The following NR3C1 variants were observed in gnomAD, a reference collection of about 807,000 sequenced individuals.
NR3C1 encodes the protein glucocorticoid receptor.
In NR3C1, 14 loss-of-function variants were observed where a neutral mutation model predicts 74.0. The observed-to-expected ratio is 0.19, with a 90% CI of 0.12 to 0.30. The LOEUF is 0.30. Among genes scored for constraint, NR3C1 ranks in the 10% least tolerant of loss-of-function variants. The pLI is 1.00. For synonymous variants in NR3C1, 308 were observed against 332.5 expected, an observed-to-expected ratio of 0.93 and a Z score of 0.80; for missense variants, 695 against 909.8, an observed-to-expected ratio of 0.76 and a Z score of 3.04.
At chr5:143,410,340 T>A (rs1841249921) in intron 1 of NR3C1, among the ~76,000 whole-genome samples, 1 of 152,208 alleles carries the variant, frequency 6.6e-6, no homozygotes, top group African/African-American at 2.4e-5. Flanking sequence ...GTTTTGTTTT[T>A]AAGCTAACTT....
At chr5:143,313,406 T>G (rs1821387192) in intron 3 of NR3C1, among the ~76,000 whole-genome samples, 1 of 152,170 alleles carries the variant, frequency 6.6e-6, no homozygotes, top group Non-Finnish European at 1.5e-5. Flanking sequence ...CGAGTTTCTC[T>G]CTCCCTCATC....
Position 143,347,167 on chromosome 5 carries a change from C to G in NR3C1, c.1185-32999G>C, listed in dbSNP as rs1829441063. Among the ~76,000 whole-genome samples the G allele has an allele frequency of 2.0e-5, 3 of 152,272 alleles. No homozygotes were observed. The South Asian group carries it at 6.2e-4, about 32-fold the overall frequency. On this transcript the variant is annotated intron_variant, in intron 2 of 8. Coordinates refer to ENST00000394464, the MANE Select transcript of NR3C1 (RefSeq NM_000176.3). The stretch of plus-strand genomic sequence containing the variant: ...ATTCAGAATTCTTTTGCAATTATTG[C>G]AGTTTATTCAAATTGTCTTACCAAA...
At chr5:143,387,537 T>C (rs1837465453) in intron 2 of NR3C1, among the ~76,000 whole-genome samples, 1 of 152,230 alleles carries the variant, frequency 6.6e-6, no homozygotes, top group Non-Finnish European at 1.5e-5. Context: ...TTGTGGCTGC[T>C]CTCTTTGGTT....
At position 143,397,885 on chromosome 5, in the gene NR3C1, T is replaced by G. The variant is rs61751165; in HGVS notation, c.1184+1771A>C. On this transcript the variant is annotated intron_variant, in intron 2 of 8. Coordinates refer to ENST00000394464, the MANE Select transcript of NR3C1 (RefSeq NM_000176.3). Reference sequence around the variant, plus strand: ...ACTCTATATCCCAGATTTTATAGGGTTTAAAAGTTCATAGCAAATGGAAAA... The same window carrying G: ...ACTCTATATCCCAGATTTTATAGGGGTTAAAAGTTCATAGCAAATGGAAAA... 4.4e-3 allele frequency among the ~76,000 whole-genome samples: 665 copies of G among 151,972 alleles called. 2 individuals carry two copies. The highest frequency in any genetic ancestry group is 0.015 in the African/African-American group (634 of 41,528).
At chr5:143,432,269 G>T (rs1335182121) in intron 1 of NR3C1, among the ~76,000 whole-genome samples, 1 of 152,218 alleles carries the variant, frequency 6.6e-6, no homozygotes, top group East Asian at 1.9e-4. Flanking sequence ...TATGTAATGC[G>T]CTAGGTTAAA....
At chr5:143,431,397 G>GA (rs994991888) in intron 1 of NR3C1, among the ~76,000 whole-genome samples, 1 of 151,856 alleles carries the variant, frequency 6.6e-6, no homozygotes, top group African/African-American at 2.4e-5. Flanking sequence ...ATTCCAATAA[G>GA]AAAAATTGGT....
intron 2 of NR3C1, among the ~76,000 whole-genome samples, chr5:143,395,595 CTTAT>C (rs1280610620): frequency 2.0e-5 from 3 of 151,910 alleles, no homozygotes; most frequent in Non-Finnish European, 1.5e-5. Context: ...ACCTATTTTG[CTTAT>C]TTAATTTGCC....
At position 143,431,315 on chromosome 5, in the gene NR3C1, G is replaced by C. The variant is rs575234159; in HGVS notation, c.-14+3217C>G. ...TGCAAACCTATGTCTGAGAAAGTAGGGTGTTCCCAGATGGAGAACAGATTA... is the reference window on the plus strand; with the variant it reads ...TGCAAACCTATGTCTGAGAAAGTAGCGTGTTCCCAGATGGAGAACAGATTA... On this transcript the variant is annotated intron_variant, in intron 1 of 8. Transcript: ENST00000343796. Among the ~76,000 whole-genome samples, 3 of 152,266 alleles carry C rather than the reference G, an allele frequency of 2.0e-5. No individual in the cohort carries two copies. In the South Asian group the frequency reaches 6.2e-4, roughly 32 times the overall value.
chr5:143,401,321 A>G, intron 1 of NR3C1: 1 of 182,522 alleles, frequency 5.5e-6, no homozygotes, highest in Non-Finnish European at 1.2e-5. Context: ...GATAAATACT[A>G]TGCTAGAATT....
chr5:143,357,105 C>G (rs991539510), intron 2 of NR3C1, among the ~76,000 whole-genome samples: 9 of 152,098 alleles, frequency 5.9e-5, no homozygotes, highest in African/African-American at 1.7e-4. Flanking sequence ...TATTTTAAAT[C>G]CAAAGGGCTA....
intron 2 of NR3C1, among the ~76,000 whole-genome samples, chr5:143,337,171 A>G (rs896143861): frequency 2.0e-5 from 3 of 152,212 alleles, no homozygotes; most frequent in African/African-American, 7.2e-5. Flanking sequence ...GATTTCAACT[A>G]AAAGGACAGA....
intron 1 of NR3C1, among the ~76,000 whole-genome samples, chr5:143,427,779 G>A (rs1751610221): frequency 6.6e-6 from 1 of 152,288 alleles, no homozygotes; most frequent in Non-Finnish European, 1.5e-5. Flanking sequence ...TTTACACTGT[G>A]TGGGTTCAAA....
At chr5:143,381,896 C>T (rs1010785232) in intron 2 of NR3C1, among the ~76,000 whole-genome samples, 3 of 152,176 alleles carry the variant, frequency 2.0e-5, no homozygotes, top group African/African-American at 7.2e-5. Context: ...ACCTCAAATG[C>T]ACAGGCAACC....
rs540571193 is a variant in NR3C1 at position 143,387,081 on chromosome 5, T to C, written c.1184+12575A>G. 4.8e-4 allele frequency among the ~76,000 whole-genome samples: 73 copies of C among 152,348 alleles called. 1 individual carries two copies. Among genetic ancestry groups the C allele is most frequent in the Non-Finnish European group, 8.4e-4 (57 of 68,026 alleles). On this transcript the variant is annotated intron_variant, in intron 2 of 8. Transcript: ENST00000394464. ...AACTAGAGAAACAATTAGGAGACTA[T>C]TGATAAGAGTAATAAGAGTTTGAAC...
chr5:143,430,727 T>G (rs1036385353), intron 1 of NR3C1, among the ~76,000 whole-genome samples: 1 of 152,180 alleles, frequency 6.6e-6, no homozygotes, highest in Admixed American at 6.6e-5. Flanking sequence ...ATCTTGGACT[T>G]CACAGCCTCC....
intron 7 of NR3C1, among the ~76,000 whole-genome samples, chr5:143,285,724 A>C (rs1814267211): frequency 6.6e-6 from 1 of 152,178 alleles, no homozygotes. Flanking sequence ...TACTGAAAAC[A>C]CAGCATATCA....
intron 7 of NR3C1, among the ~76,000 whole-genome samples, chr5:143,286,010 T>C (rs139423284): frequency 1.0e-3 from 148 of 143,610 alleles, no homozygotes; most frequent in South Asian, 2.0e-3. Context: ...TAAATACCAA[T>C]GTCGGGAATG....
chr5:143,355,215 C>T (rs1830922597), intron 2 of NR3C1, among the ~76,000 whole-genome samples: 1 of 152,140 alleles, frequency 6.6e-6, no homozygotes, highest in East Asian at 1.9e-4. Flanking sequence ...ATAATGGCCA[C>T]AGCTATTATG....
intron 1 of NR3C1, among the ~76,000 whole-genome samples, chr5:143,426,877 G>C (rs4457111): frequency 0.98 from 148,490 of 152,290 alleles, 72,508 homozygotes; most frequent in Middle Eastern, 1. Context: ...GGTGAAGAGG[G>C]CACCAACAGT....
Sources: gnomAD v4.1 joint callset for allele counts (sites outside exome capture counted in the v4.1 genomes callset) on GRCh38, gnomAD v4.1.1 for gene constraint, MANE v1.5 for transcripts, NCBI Gene and HGNC (gene_info 2026-07-23, HGNC 2026-07-21) for gene names.